LY96: variants seen among roughly 807,000 people sequenced by gnomAD.
LY96 encodes the protein lymphocyte antigen 96, also known as myeloid differentiation protein-2.
LY96 carries 18 observed loss-of-function variants against 18.9 expected under a neutral mutation model. The ratio of observed to expected loss-of-function variants is 0.95; its 90% CI spans 0.66 to 1.41. The LOEUF (loss-of-function observed/expected upper bound fraction) is 1.41. Ranked by LOEUF, LY96 falls within the 40% of genes most tolerant of loss-of-function variation. The pLI, the probability that LY96 is intolerant of heterozygous loss-of-function variation, is 0.00. For synonymous variants in LY96, 66 were observed against 62.6 expected (o/e 1.06, Z -0.26); for missense variants, 175 against 182.4 (o/e 0.96, Z 0.23).
intron 1 of LY96, among the ~76,000 whole-genome samples, chr8:73,996,444 T>TTTCTTTTTCC (rs1816149045): frequency 7.3e-6 from 1 of 137,860 alleles, no homozygotes; most frequent in Non-Finnish European, 1.6e-5. Context: ...TTTCTTTTTC[T>TTTCTTTTTCC]GAGACAGAGT....
chr8:74,081,122 T>TTTCTTTCTTTCTTTCCTTCC, the LY96 span, among the ~76,000 whole-genome samples: 2 of 124,342 alleles, frequency 1.6e-5, no homozygotes, highest in East Asian at 2.1e-4. Flanking sequence ...TCTTTCTTTC[T>TTTCTTTCTTTCTTTCCTTCC]TTCCTTCCTT....
chr8:74,060,318 A>G, the LY96 span, among the ~76,000 whole-genome samples: 1 of 152,258 alleles, frequency 6.6e-6, no homozygotes, highest in Admixed American at 6.5e-5. Flanking sequence ...AAATTTTATA[A>G]ATCAATTAGC....
chr8:74,057,581 A>T, the LY96 span, among the ~76,000 whole-genome samples: 1 of 152,290 alleles, frequency 6.6e-6, no homozygotes, highest in East Asian at 1.9e-4. Context: ...GGTGACTCAC[A>T]TTTCTGAGGA....
intron 1 of LY96, among the ~76,000 whole-genome samples, chr8:73,997,086 A>C (rs988368839): frequency 6.6e-6 from 1 of 152,062 alleles, no homozygotes; most frequent in African/African-American, 2.4e-5. Flanking sequence ...TGAACTCCTG[A>C]TTTTAGGCGA....
the LY96 span, among the ~76,000 whole-genome samples, chr8:74,085,947 T>C: frequency 6.6e-6 from 1 of 152,166 alleles, no homozygotes; most frequent in African/African-American, 2.4e-5. Flanking sequence ...TAATACAGTA[T>C]TGTTAACTAG....
the LY96 span, among the ~76,000 whole-genome samples, chr8:74,040,954 C>T: frequency 6.6e-6 from 1 of 151,942 alleles, no homozygotes; most frequent in South Asian, 2.1e-4. Flanking sequence ...CACCCACCTT[C>T]TTGCAACTTT....
chr8:74,096,304 G>T, the LY96 span, among the ~76,000 whole-genome samples: 1 of 152,106 alleles, frequency 6.6e-6, no homozygotes, highest in African/African-American at 2.4e-5. Context: ...TGCATGATCT[G>T]TCCCTTCCCC....
chr8:74,066,819 A>T, the LY96 span, among the ~76,000 whole-genome samples: 1 of 152,230 alleles, frequency 6.6e-6, no homozygotes, highest in Non-Finnish European at 1.5e-5. Flanking sequence ...TTCTCCAAAG[A>T]TATATCCAAA....
chr8:73,992,921 T>C (rs142442787), intron 1 of LY96, among the ~76,000 whole-genome samples: 2,322 of 150,532 alleles, frequency 0.015, 30 homozygotes, highest in South Asian at 0.02. Context: ...GTGGCGCGAT[T>C]TCGGCTCACT....
At chr8:74,021,039 G>A (rs1474593283) in intron 3 of LY96, among the ~76,000 whole-genome samples, 3 of 152,154 alleles carry the variant, frequency 2.0e-5, no homozygotes, top group East Asian at 3.8e-4. Context: ...AACACCAAAA[G>A]CAATGGCAAC....
At chr8:74,094,611 A>G in the LY96 span, among the ~76,000 whole-genome samples, 1 of 152,184 alleles carries the variant, frequency 6.6e-6, no homozygotes, top group African/African-American at 2.4e-5. Flanking sequence ...TTGATTGCAA[A>G]TGTCTTTTTT....
downstream of LY96, among the ~76,000 whole-genome samples, chr8:74,031,625 ACT>A (rs1249981546): frequency 6.9e-6 from 1 of 144,934 alleles, no homozygotes; most frequent in Admixed American, 7.0e-5. Flanking sequence ...ACAGAGTGAG[ACT>A]CTGTCTCAAA....
rs1816495574 is a variant in LY96 at position 74,009,973 on chromosome 8, G to A, written c.203-28G>A. On this transcript the variant is annotated intron_variant, in intron 2 of 4. Transcript: ENST00000284818. ...ATGTATAAAAGAATCTACTATTTGA[G>A]GGCCTAATGGGATTTTTTCTTTTAA... 5 of 1,535,050 alleles carry A rather than the reference G, an allele frequency of 3.3e-6. No individual in the cohort carries two copies. The East Asian group carries it at 1.1e-4, about 35-fold the overall frequency.
At chr8:74,089,452 C>A in the LY96 span, among the ~76,000 whole-genome samples, 1 of 152,096 alleles carries the variant, frequency 6.6e-6, no homozygotes, top group East Asian at 1.9e-4. Context: ...CCCAAACATG[C>A]ATAGGACGAG....
At chr8:74,022,128 G>T (rs1423305130) in intron 3 of LY96, among the ~76,000 whole-genome samples, 1 of 151,938 alleles carries the variant, frequency 6.6e-6, no homozygotes, top group Non-Finnish European at 1.5e-5. Context: ...AGCTTTCTTG[G>T]CAGGCACAGT....
chr8:74,085,918 T>A, the LY96 span, among the ~76,000 whole-genome samples: 7 of 152,132 alleles, frequency 4.6e-5, no homozygotes, highest in Non-Finnish European at 1.0e-4. Context: ...GGGTCTACTG[T>A]CAGCAAATTT....
At chr8:74,079,438 T>C in the LY96 span, 1 of 152,224 alleles carries the variant, frequency 6.6e-6, no homozygotes, top group Non-Finnish European at 1.5e-5. Flanking sequence ...TTGTAATTTA[T>C]TGTCTGCCAG....
At chr8:74,049,388 T>C in the LY96 span, among the ~76,000 whole-genome samples, 2 of 152,250 alleles carry the variant, frequency 1.3e-5, no homozygotes, top group African/African-American at 4.8e-5. Context: ...GTCATCTCAT[T>C]GTTGCTTACA....
intron 3 of LY96, among the ~76,000 whole-genome samples, chr8:74,011,200 G>C (rs1412602044): frequency 1.3e-5 from 2 of 152,104 alleles, no homozygotes; most frequent in Admixed American, 6.6e-5. Context: ...AATAAAACTG[G>C]ACCCCTAGCT....
Sources: gnomAD v4.1 joint callset for allele counts (sites outside exome capture counted in the v4.1 genomes callset) on GRCh38, gnomAD v4.1.1 for gene constraint, MANE v1.5 for transcripts, NCBI Gene and HGNC (gene_info 2026-07-23, HGNC 2026-07-21) for gene names.